The following CASTOR2 variants were observed in gnomAD, a reference collection of about 807,000 sequenced individuals.
CASTOR2 encodes cytosolic arginine sensor for mTORC1 subunit 2.
Under a neutral mutation model 31.2 loss-of-function variants are expected in CASTOR2, and 8 were observed. The ratio of observed to expected loss-of-function variants is 0.26; its 90% CI spans 0.15 to 0.46. CASTOR2 has a LOEUF of 0.46. Ranked by LOEUF, CASTOR2 falls within the 20% of genes least tolerant of loss-of-function variation. The pLI is 0.99. For synonymous variants in CASTOR2, 162 were observed against 158.7 expected (o/e 1.02, Z -0.16); for missense variants, 216 against 382.1 (o/e 0.57, Z 3.62).
chr7:75,011,721 CT>C (rs1804750463), intron 2 of CASTOR2, among the ~76,000 whole-genome samples: 1 of 102,500 alleles, frequency 9.8e-6, no homozygotes, highest in Admixed American at 1.1e-4. Context: ...GGCAACAGAG[CT>C]GTCTCAAAAA....
chr7:75,024,545 A>G lies in CASTOR2; in HGVS notation c.924+11A>G. On this transcript the variant is annotated intron_variant, in intron 8 of 8. Transcript: ENST00000616305. ...TTTGATCATGCACTTGTGAGTGTCC[A>G]GCGCCAGACCCCTCCAGGGCAGGGC... The G allele has an allele frequency of 6.4e-7, 1 of 1,551,556 alleles. No homozygotes were observed. Among genetic ancestry groups the G allele is most frequent in the African/African-American group, 1.4e-5 (1 of 73,168 alleles).
Position 75,024,423 on chromosome 7 carries a change from G to A in CASTOR2, c.830-17G>A, listed in dbSNP as rs1214802996. ...GCCAGGTTACACAGAGGCTAAGGACGGTCTCTCCTGTTCTAGATGAGTGTG... is the reference window on the plus strand; with the variant it reads ...GCCAGGTTACACAGAGGCTAAGGACAGTCTCTCCTGTTCTAGATGAGTGTG... On this transcript the variant is annotated splice_polypyrimidine_tract_variant and intron_variant, in intron 7 of 8. Transcript: ENST00000616305. 12 of 1,551,478 alleles carry A rather than the reference G, an allele frequency of 7.7e-6. No individual in the cohort carries two copies. Among genetic ancestry groups the A allele is most frequent in the Admixed American group, 2.0e-5 (1 of 50,994 alleles).
chr7:74,987,024 C>T (rs1804083003), intron 1 of CASTOR2, among the ~76,000 whole-genome samples: 1 of 152,060 alleles, frequency 6.6e-6, no homozygotes, highest in African/African-American at 2.4e-5. Context: ...GGCGACAGAG[C>T]GAGACCTTGA....
In CASTOR2 at chr7:75,025,785, T is replaced by C. The variant is rs1435975428; in HGVS notation, c.*1086T>C. Among the ~76,000 whole-genome samples, 4 of 152,238 alleles carry C rather than the reference T, an allele frequency of 2.6e-5. No individual in the cohort carries two copies. The South Asian group carries it at 8.3e-4, about 31-fold the overall frequency. On this transcript the variant is annotated 3_prime_UTR_variant, in exon 9 of 9. Transcript: ENST00000616305. ...CCAGGGTGCTCTTGGCGGTAGTTTC[T>C]GTTTGGCAGGGATAGGACCTGTTTG...
chr7:75,016,644 T>C (rs1389966721), intron 2 of CASTOR2, among the ~76,000 whole-genome samples: 5 of 152,180 alleles, frequency 3.3e-5, no homozygotes, highest in Non-Finnish European at 7.3e-5. Flanking sequence ...CAGTTACACA[T>C]GGGACAATGG....
chr7:74,975,350 A>T (rs868949414), intron 1 of CASTOR2, among the ~76,000 whole-genome samples: 1 of 149,450 alleles, frequency 6.7e-6, no homozygotes, highest in Non-Finnish European at 1.5e-5. Context: ...ACCTTAAGTG[A>T]TCCTCCCGTC....
chr7:75,013,115 C>T (rs1359708256), intron 2 of CASTOR2, among the ~76,000 whole-genome samples: 5 of 152,296 alleles, frequency 3.3e-5, no homozygotes, highest in South Asian at 4.1e-4. Context: ...GAATGAAGGC[C>T]GGTGCCCTGT....
intron 1 of CASTOR2, among the ~76,000 whole-genome samples, chr7:74,993,445 C>CTTTTT (rs1156811360): frequency 2.6e-5 from 2 of 77,610 alleles, no homozygotes; most frequent in Non-Finnish European, 2.5e-5. Context: ...CCTCCTTTGT[C>CTTTTT]TTTTTTTTTT....
At chr7:74,975,222 C>G (rs1265967130) in intron 1 of CASTOR2, among the ~76,000 whole-genome samples, 2 of 151,478 alleles carry the variant, frequency 1.3e-5, no homozygotes, top group African/African-American at 4.8e-5. Flanking sequence ...CCCGCCTTGG[C>G]CTCCCAACGT....
At chr7:74,997,987 G>A (rs1804391878) in intron 1 of CASTOR2, among the ~76,000 whole-genome samples, 2 of 152,070 alleles carry the variant, frequency 1.3e-5, no homozygotes, top group African/African-American at 4.8e-5. Flanking sequence ...GGCTGTCACG[G>A]ATCCTCTTGT....
intron 1 of CASTOR2, among the ~76,000 whole-genome samples, chr7:75,005,130 G>A (rs1392058113): frequency 2.0e-5 from 3 of 151,520 alleles, no homozygotes; most frequent in Admixed American, 6.6e-5. Context: ...GCCTCGCAAA[G>A]TGCTGGGATT....
intron 1 of CASTOR2, among the ~76,000 whole-genome samples, chr7:74,994,797 G>A (rs1473509024): frequency 6.6e-6 from 1 of 152,050 alleles, no homozygotes; most frequent in Non-Finnish European, 1.5e-5. Context: ...CAGGGTGCAG[G>A]GAGAGAAGTG....
chr7:75,030,228 C>T lies in CASTOR2; in HGVS notation c.*5529C>T, dbSNP rs1805263641. Among the ~76,000 whole-genome samples, 1 of 152,178 alleles carries T rather than the reference C, an allele frequency of 6.6e-6. No individual in the cohort carries two copies. Among genetic ancestry groups the T allele is most frequent in the African/African-American group, 2.4e-5 (1 of 41,436 alleles). On this transcript the variant is annotated 3_prime_UTR_variant, in exon 9 of 9. Transcript: ENST00000616305. ...GTTTATGCACACGTTTGTGCATGTA[C>T]CTGTGAGCGTGGATGTGTTCCTATG...
At chr7:75,002,194 G>A (rs1804515322) in intron 1 of CASTOR2, among the ~76,000 whole-genome samples, 1 of 151,278 alleles carries the variant, frequency 6.6e-6, no homozygotes, top group Admixed American at 6.6e-5. Flanking sequence ...CCAAAGTTCT[G>A]GGATTACAGG....
rs1389441428 is a variant in CASTOR2, at chr7:75,028,107, T to G, written c.*3408T>G. Reference sequence around the variant, plus strand: ...GGCGGGGGAGGAAGAGGGCTCTCTATGATGTGGAATTTTTTTTTTTTTTTT... The same window carrying G: ...GGCGGGGGAGGAAGAGGGCTCTCTAGGATGTGGAATTTTTTTTTTTTTTTT... On this transcript the variant is annotated 3_prime_UTR_variant, in exon 9 of 9. Coordinates refer to ENST00000616305, the MANE Select transcript of CASTOR2 (RefSeq NM_001145064.3). 2.0e-6 allele frequency: 3 copies of G among 1,484,858 alleles called. No homozygotes were observed. The highest frequency in any genetic ancestry group is 2.9e-5 in the African/African-American group (2 of 69,140). 92.0% of individuals were successfully genotyped at this position (1,484,858 alleles called of 1,614,324 possible). A position where few individuals can be genotyped will look rare whatever the true frequency, so the allele number is the denominator to read the frequency against.
intron 1 of CASTOR2, among the ~76,000 whole-genome samples, chr7:74,969,707 C>A (rs1452563456): frequency 6.9e-6 from 1 of 144,514 alleles, no homozygotes; most frequent in Non-Finnish European, 1.5e-5. Context: ...CGAGAGCCAC[C>A]GCGACCTGCT....
rs1472053033 is a variant in CASTOR2 at position 75,028,284 on chromosome 7, C to CT, written c.*3586dup. 2.0e-5 allele frequency among the ~76,000 whole-genome samples: 3 copies of CT among 152,056 alleles called. No individual in the cohort carries two copies. Among genetic ancestry groups the CT allele is most frequent in the African/African-American group, 7.2e-5 (3 of 41,398 alleles). ...TACAGGCACTCACCACCACACGCGGCTAATTTTTGTATTTTTGGTAGAGAC... is the reference window on the plus strand; with the variant it reads ...TACAGGCACTCACCACCACACGCGGCTTAATTTTTGTATTTTTGGTAGAGAC... On this transcript the variant is annotated 3_prime_UTR_variant, in exon 9 of 9. Transcript: ENST00000616305.
chr7:74,985,586 A>AG (rs1272108990), intron 1 of CASTOR2, among the ~76,000 whole-genome samples: 1 of 19,916 alleles, frequency 5.0e-5, no homozygotes, highest in Non-Finnish European at 2.6e-4. Flanking sequence ...AGCCTGGCTC[A>AG]AAAAAAAAAA....
chr7:75,024,576 T>TG, intron 8 of CASTOR2, 42 bp downstream of exon 8: 1 of 1,550,468 alleles, frequency 6.4e-7, no homozygotes, highest in East Asian at 2.4e-5. Context: ...AGGGCCGGGG[T>TG]GGGGAAGCAG....
Sources: allele counts gnomAD v4.1 joint callset (sites outside exome capture counted in the v4.1 genomes callset), GRCh38; gene constraint gnomAD v4.1.1; transcripts MANE v1.5; gene names NCBI Gene and HGNC (gene_info 2026-07-23, HGNC 2026-07-21).